Variants in KIAA1217 observed in about 807,000 individuals in gnomAD.
KIAA1217 encodes KIAA1217, also known as sickle tail protein homolog.
In KIAA1217, 88 loss-of-function variants were observed where a neutral mutation model predicts 163.9. That is an observed-to-expected ratio of 0.54 (90% confidence interval 0.45 to 0.64). The LOEUF (loss-of-function observed/expected upper bound fraction) is 0.64, where lower values mean the gene tolerates loss of function less well. Ranked by LOEUF, KIAA1217 falls within the 30% of genes least tolerant of loss-of-function variation. The pLI is 0.00. For synonymous variants in KIAA1217, 903 were observed against 923.1 expected (o/e 0.98, Z 0.39); for missense variants, 2,372 against 2,475.0 (o/e 0.96, Z 0.88).
intron 2 of KIAA1217, among the ~76,000 whole-genome samples, chr10:24,263,983 G>A (rs2075963693): frequency 6.6e-6 from 1 of 151,946 alleles, no homozygotes; most frequent in Non-Finnish European, 1.5e-5. Flanking sequence ...TTAGCCTCCC[G>A]AGGAGCTGGG....
chr10:23,752,966 GAAGTT>G (rs1272058437), intron 1 of KIAA1217, among the ~76,000 whole-genome samples: 1 of 152,184 alleles, frequency 6.6e-6, no homozygotes, highest in Non-Finnish European at 1.5e-5. Context: ...GAGGCACAAA[GAAGTT>G]AAGTGCCTAC....
At chr10:23,813,807 T>C (rs945658086) in intron 1 of KIAA1217, among the ~76,000 whole-genome samples, 16 of 152,166 alleles carry the variant, frequency 1.1e-4, no homozygotes, top group African/African-American at 3.9e-4. Context: ...CAAATTGTTT[T>C]CCAGAAAGTG....
chr10:24,149,678 A>T (rs769158946), intron 2 of KIAA1217, among the ~76,000 whole-genome samples: 5 of 152,220 alleles, frequency 3.3e-5, no homozygotes, highest in African/African-American at 4.8e-5. Flanking sequence ...AAGGAATAAG[A>T]TCTAGTACTC....
intron 1 of KIAA1217, among the ~76,000 whole-genome samples, chr10:23,906,961 A>C (rs1011378715): frequency 1.3e-5 from 2 of 152,126 alleles, no homozygotes; most frequent in Admixed American, 6.6e-5. Context: ...TATAAGAAGC[A>C]AAACTACCTT....
intron 2 of KIAA1217, among the ~76,000 whole-genome samples, chr10:24,240,836 G>A (rs1489876141): frequency 6.6e-6 from 1 of 151,730 alleles, no homozygotes; most frequent in African/African-American, 2.4e-5. Context: ...ATGACTAGCA[G>A]TCAAGTAAGG....
chr10:24,207,125 G>A (rs981068812), upstream of KIAA1217, among the ~76,000 whole-genome samples: 4 of 152,214 alleles, frequency 2.6e-5, no homozygotes, highest in South Asian at 8.3e-4. Flanking sequence ...TTCATCCTGG[G>A]GTTTTTGCCT....
chr10:23,813,368 C>T (rs748610321), intron 1 of KIAA1217, among the ~76,000 whole-genome samples: 5 of 151,644 alleles, frequency 3.3e-5, no homozygotes, highest in Non-Finnish European at 7.4e-5. Flanking sequence ...CCTTTTTTTG[C>T]TATTTTTTTG....
intron 1 of KIAA1217, among the ~76,000 whole-genome samples, chr10:23,887,112 C>T (rs1841210244): frequency 1.3e-5 from 2 of 151,854 alleles, no homozygotes; most frequent in South Asian, 4.1e-4. Context: ...TTCTGGCTTT[C>T]TTATCTTTGG....
chr10:24,039,819 GAT>G (rs1325203830), intron 2 of KIAA1217, among the ~76,000 whole-genome samples: 1 of 151,420 alleles, frequency 6.6e-6, no homozygotes, highest in African/African-American at 2.4e-5. Context: ...TATAGATATA[GAT>G]ATAGATATAG....
Position 23,812,882 on chromosome 10 carries a change from T to C in KIAA1217, c.-321+117648T>C, listed in dbSNP as rs116209585. ...TTGGGTTGTTTCCATTTCTTGGCTATTATGAGTAATGCTGTTATGAACATT... is the reference window on the plus strand; with the variant it reads ...TTGGGTTGTTTCCATTTCTTGGCTACTATGAGTAATGCTGTTATGAACATT... On this transcript the variant is annotated intron_variant, in intron 1 of 18. Transcript: ENST00000376462. Among the ~76,000 whole-genome samples, 1,051 of 152,294 alleles carry C rather than the reference T, an allele frequency of 6.9e-3. 7 individuals carry two copies. Among genetic ancestry groups the C allele is most frequent in the African/African-American group, 0.023 (972 of 41,556 alleles).
chr10:24,140,803 G>A (rs978639774), intron 2 of KIAA1217, among the ~76,000 whole-genome samples: 1 of 152,102 alleles, frequency 6.6e-6, no homozygotes, highest in Non-Finnish European at 1.5e-5. Context: ...GGTTGCGAAC[G>A]TTACCTCTTA....
intron 2 of KIAA1217, among the ~76,000 whole-genome samples, chr10:24,355,972 C>T (rs2049054364): frequency 6.6e-6 from 1 of 151,724 alleles, no homozygotes; most frequent in Admixed American, 6.6e-5. Context: ...TGGTCTCAAA[C>T]TCCTGACTTT....
intron 1 of KIAA1217, among the ~76,000 whole-genome samples, chr10:23,934,589 ATG>A (rs1475636971): frequency 0.024 from 1,336 of 56,596 alleles, 214 homozygotes; most frequent in African/African-American, 0.2. Flanking sequence ...ATATATATAT[ATG>A]TATATATATA....
At chr10:24,134,419 C>G (rs546914964) in intron 2 of KIAA1217, among the ~76,000 whole-genome samples, 1 of 152,208 alleles carries the variant, frequency 6.6e-6, no homozygotes, top group Admixed American at 6.5e-5. Context: ...ATAAGATATG[C>G]TTGAAACCTC....
intron 2 of KIAA1217, among the ~76,000 whole-genome samples, chr10:24,055,550 AT>A (rs1175393504): frequency 6.6e-6 from 1 of 152,056 alleles, no homozygotes; most frequent in Non-Finnish European, 1.5e-5. Context: ...GTAATTTCAG[AT>A]TTGCATGACA....
At chr10:23,915,447 T>C (rs977216357) in intron 1 of KIAA1217, among the ~76,000 whole-genome samples, 3 of 152,110 alleles carry the variant, frequency 2.0e-5, no homozygotes, top group Admixed American at 2.0e-4. Context: ...AAAATGCTAT[T>C]AGGAATAGAA....
intron 1 of KIAA1217, among the ~76,000 whole-genome samples, chr10:23,942,945 CAAAA>C (rs112348727): frequency 6.9e-5 from 7 of 100,828 alleles, no homozygotes; most frequent in African/African-American, 1.9e-4. Context: ...CTGTCTGTAC[CAAAA>C]AAAAAAAAAA....
At chr10:24,247,084 T>C (rs545230295) in intron 2 of KIAA1217, among the ~76,000 whole-genome samples, 2 of 151,502 alleles carry the variant, frequency 1.3e-5, no homozygotes, top group East Asian at 3.9e-4. Context: ...TATGGCCCTT[T>C]GGCTTAGTCT....
chr10:23,797,728 G>A (rs1801375785), intron 1 of KIAA1217, among the ~76,000 whole-genome samples: 1 of 152,142 alleles, frequency 6.6e-6, no homozygotes, highest in Admixed American at 6.6e-5. Context: ...AAACAAGGGG[G>A]AAATCTGCCC....
Sources: gnomAD v4.1 joint callset for allele counts (sites outside exome capture counted in the v4.1 genomes callset) on GRCh38, gnomAD v4.1.1 for gene constraint, MANE v1.5 for transcripts, NCBI Gene and HGNC (gene_info 2026-07-23, HGNC 2026-07-21) for gene names.